Variants in PTPRD observed in about 807,000 individuals in gnomAD.
PTPRD encodes the protein protein tyrosine phosphatase receptor type D.
In PTPRD, 34 loss-of-function variants were observed where a neutral mutation model predicts 214.5. That is an observed-to-expected ratio of 0.16 (90% CI 0.12 to 0.21). The LOEUF (loss-of-function observed/expected upper bound fraction) is 0.21. Among genes scored for constraint, PTPRD ranks in the 10% least tolerant of loss-of-function variants. The probability of loss-of-function intolerance (pLI) is 1.00; values close to 1 mark genes in which losing one functional copy is unlikely to be tolerated. For synonymous variants in PTPRD, 1,128 were observed against 845.7 expected, an observed-to-expected ratio of 1.33 and a Z score of -5.79; for missense variants, 2,545 against 2,398.7, an observed-to-expected ratio of 1.06 and a Z score of -1.27.
chr9:8,808,184 G>A (rs1480567012), intron 11 of PTPRD, among the ~76,000 whole-genome samples: 1 of 152,110 alleles, frequency 6.6e-6, no homozygotes, highest in South Asian at 2.1e-4. Context: ...GGATTTAGAA[G>A]CACACATGAG....
intron 9 of PTPRD, among the ~76,000 whole-genome samples, chr9:9,377,006 G>T (rs1158132899): frequency 6.6e-6 from 1 of 152,020 alleles, no homozygotes; most frequent in Non-Finnish European, 1.5e-5. Context: ...TGTCTGCAGG[G>T]AATGTGGAAA....
chr9:8,570,542 T>A (rs971463831), intron 14 of PTPRD, among the ~76,000 whole-genome samples: 2 of 151,982 alleles, frequency 1.3e-5, no homozygotes, highest in Non-Finnish European at 2.9e-5. Flanking sequence ...TTAAGAGAGG[T>A]AGGTTTTAAT....
intron 2 of PTPRD, among the ~76,000 whole-genome samples, chr9:10,427,621 T>G (rs370235439): frequency 5.9e-5 from 9 of 151,988 alleles, no homozygotes; most frequent in African/African-American, 2.2e-4. Flanking sequence ...AAACACTCAC[T>G]AAAAAGGGGA....
rs180809897 is a variant in PTPRD at position 8,697,642 on chromosome 9, C to T, written c.64+36138G>A. On this transcript the variant is annotated intron_variant, in intron 12 of 45. Transcript: ENST00000381196. ...TTCACCATGTTGGCCAGGCTAGTCT[C>T]GAACTCCTGACCTCAAGTAATCCAC... 5.1e-3 allele frequency among the ~76,000 whole-genome samples: 737 copies of T among 144,684 alleles called. 9 individuals carry two copies. The highest frequency in any genetic ancestry group is 0.018 in the African/African-American group (667 of 37,542). 94.9% of individuals were successfully genotyped at this position (144,684 alleles called of 152,430 possible). A position where few individuals can be genotyped will look rare whatever the true frequency, so the allele number is the denominator to read the frequency against.
intron 5 of PTPRD, among the ~76,000 whole-genome samples, chr9:9,833,802 G>C (rs148413401): frequency 6.6e-6 from 1 of 151,968 alleles, no homozygotes; most frequent in Non-Finnish European, 1.5e-5. Context: ...GAGAAATATG[G>C]CTCTGTTCTG....
intron 2 of PTPRD, among the ~76,000 whole-genome samples, chr9:10,451,396 C>G (rs923418242): frequency 6.6e-6 from 1 of 151,448 alleles, no homozygotes; most frequent in Non-Finnish European, 1.5e-5. Context: ...AAAGTCAATC[C>G]CATGGCAATT....
At chr9:8,599,103 G>C (rs1036296633) in intron 14 of PTPRD, among the ~76,000 whole-genome samples, 1 of 152,036 alleles carries the variant, frequency 6.6e-6, no homozygotes, top group Non-Finnish European at 1.5e-5. Context: ...GACTTAATAC[G>C]TCTCATGAGA....
intron 5 of PTPRD, among the ~76,000 whole-genome samples, chr9:9,808,712 C>G (rs982891207): frequency 2.0e-5 from 3 of 152,112 alleles, no homozygotes; most frequent in Non-Finnish European, 4.4e-5. Flanking sequence ...TTACTATCCA[C>G]TCTAAAATTG....
chr9:8,917,355 C>G (rs1352958904), intron 11 of PTPRD, among the ~76,000 whole-genome samples: 1 of 150,178 alleles, frequency 6.7e-6, no homozygotes, highest in Non-Finnish European at 1.5e-5. Flanking sequence ...CCAGGCTGGT[C>G]TCCAACTCCT....
intron 9 of PTPRD, among the ~76,000 whole-genome samples, chr9:9,250,874 A>G (rs1005340007): frequency 1.1e-4 from 17 of 152,064 alleles, no homozygotes; most frequent in African/African-American, 4.1e-4. Flanking sequence ...CTTTTTATTT[A>G]TTTATTTGAA....
At chr9:9,302,160 A>G (rs1016345132) in intron 9 of PTPRD, among the ~76,000 whole-genome samples, 5 of 151,962 alleles carry the variant, frequency 3.3e-5, no homozygotes, top group African/African-American at 1.2e-4. Flanking sequence ...GTTGAGATAA[A>G]AAGCTTTCAT....
At chr9:10,306,650 C>T (rs2096078518) in intron 3 of PTPRD, among the ~76,000 whole-genome samples, 1 of 151,992 alleles carries the variant, frequency 6.6e-6, no homozygotes, top group Non-Finnish European at 1.5e-5. Context: ...CCTTTAATTG[C>T]CCAGTTTTCC....
In PTPRD at chr9:10,153,971, G is replaced by A. The variant is rs147097462; in HGVS notation, c.-544-120181C>T. ...GACACATGCATGTATTTTTATGATAGAATGATTTATAATGTTGAGGGTATA... is the reference window on the plus strand; with the variant it reads ...GACACATGCATGTATTTTTATGATAAAATGATTTATAATGTTGAGGGTATA... On this transcript the variant is annotated intron_variant, in intron 3 of 45. Transcript: ENST00000381196. 3.3e-4 allele frequency among the ~76,000 whole-genome samples: 50 copies of A among 152,192 alleles called. 1 individual carries two copies. The highest frequency in any genetic ancestry group is 4.4e-4 in the Non-Finnish European group (30 of 67,976).
chr9:9,329,460 G>A (rs2802282), intron 9 of PTPRD, among the ~76,000 whole-genome samples: 113,040 of 151,986 alleles, frequency 0.74, 42,273 homozygotes, highest in East Asian at 0.91. Flanking sequence ...TTCTTAAAAA[G>A]CATTTTGAAT....
At chr9:8,938,308 G>C (rs1305403174) in intron 11 of PTPRD, among the ~76,000 whole-genome samples, 5 of 151,964 alleles carry the variant, frequency 3.3e-5, no homozygotes, top group African/African-American at 7.3e-5. Context: ...AGGGAGAAGA[G>C]AGAAGAGGAG....
chr9:8,568,511 A>T (rs1002316613), intron 14 of PTPRD, among the ~76,000 whole-genome samples: 3 of 152,200 alleles, frequency 2.0e-5, no homozygotes, highest in African/African-American at 7.2e-5. Context: ...TGAGCCAAGA[A>T]GTTTTGAAAG....
chr9:9,560,269 C>T (rs1019913100), intron 8 of PTPRD, among the ~76,000 whole-genome samples: 1 of 152,196 alleles, frequency 6.6e-6, no homozygotes, highest in Non-Finnish European at 1.5e-5. Flanking sequence ...TCTGGGACCA[C>T]CCCTGGACCT....
chr9:8,709,275 G>A (rs957714354), intron 12 of PTPRD, among the ~76,000 whole-genome samples: 2 of 152,090 alleles, frequency 1.3e-5, no homozygotes, highest in Non-Finnish European at 2.9e-5. Context: ...AGCACTTTGG[G>A]AGGCTGAGGT....
At chr9:9,994,143 G>T (rs995134594) in intron 4 of PTPRD, among the ~76,000 whole-genome samples, 1 of 152,114 alleles carries the variant, frequency 6.6e-6, no homozygotes, top group Admixed American at 6.5e-5. Flanking sequence ...AGGAAGTCTG[G>T]CTCTAAAGTC....
Sources: allele counts gnomAD v4.1 joint callset (sites outside exome capture counted in the v4.1 genomes callset), GRCh38; gene constraint gnomAD v4.1.1; transcripts MANE v1.5; gene names NCBI Gene and HGNC (gene_info 2026-07-23, HGNC 2026-07-21).